PIWIL2: variants seen among roughly 807,000 people sequenced by gnomAD.
PIWIL2 encodes the protein piwi like RNA-mediated gene silencing 2.
Under a neutral mutation model 116.5 loss-of-function variants are expected in PIWIL2, and 81 were observed. The ratio of observed to expected loss-of-function variants is 0.70; its 90% CI spans 0.58 to 0.84. PIWIL2 has a LOEUF of 0.84. Ranked by LOEUF, PIWIL2 falls within the 40% of genes least tolerant of loss-of-function variation. The probability of loss-of-function intolerance (pLI) is 0.00; values close to 1 mark genes in which losing one functional copy is unlikely to be tolerated. For missense variants in PIWIL2, 1,272 were observed against 1,212.3 expected (o/e 1.05, Z -0.73); for synonymous variants, 489 against 429.5 (o/e 1.14, Z -1.71).
chr8:22,355,316 T>A, intron 22 of PIWIL2, 33 bp from the exon 23 acceptor site: 3 of 1,610,562 alleles, frequency 1.9e-6, no homozygotes, highest in East Asian at 2.2e-5. Context: ...AGGTGGGGGA[T>A]GATGAGAATT....
intron 10 of PIWIL2, among the ~76,000 whole-genome samples, chr8:22,299,473 G>T (rs1830993362): frequency 6.6e-6 from 1 of 152,066 alleles, no homozygotes; most frequent in African/African-American, 2.4e-5. Flanking sequence ...TTCCCAAAGT[G>T]CTGGGATTGC....
Position 22,290,327 on chromosome 8 carries a change from G to T in PIWIL2, c.1162G>T (p.Asp388Tyr). The change falls in exon 10 of 23, where the codon GAC becomes TAC. Residue 388 changes from aspartate (D) to tyrosine (Y), a missense_variant. By Grantham distance (160) the Asp-to-Tyr change is radical. Coordinates refer to ENST00000356766, the MANE Select transcript of PIWIL2 (RefSeq NM_018068.5). Reference protein sequence around the residue: ...ADVSHKVIRNDCVLDVMHAIY... With the variant: ...ADVSHKVIRNYCVLDVMHAIY... Reference sequence around the variant, plus strand: ...TGTCTCCCATAAGGTCATTCGGAATGACTGTGTGCTGGATGTCATGTGAGT... The same window carrying T: ...TGTCTCCCATAAGGTCATTCGGAATTACTGTGTGCTGGATGTCATGTGAGT... The T allele has an allele frequency of 6.2e-7, 1 of 1,605,624 alleles. No homozygotes were observed. The highest frequency in any genetic ancestry group is 1.1e-5 in the South Asian group (1 of 90,714).
intron 20 of PIWIL2, among the ~76,000 whole-genome samples, chr8:22,334,462 C>T (rs554920269): frequency 1.3e-5 from 2 of 149,330 alleles, no homozygotes; most frequent in Non-Finnish European, 3.0e-5. Context: ...GCGGAGGTTG[C>T]AGTGAGCCAA....
At chr8:22,300,991 C>CT (rs34602907) in intron 10 of PIWIL2, among the ~76,000 whole-genome samples, 35 of 149,808 alleles carry the variant, frequency 2.3e-4, no homozygotes, top group East Asian at 7.9e-4. Context: ...TTAAAGGTGA[C>CT]TTTTTTTTTT....
intron 20 of PIWIL2, among the ~76,000 whole-genome samples, chr8:22,344,188 G>A (rs914491230): frequency 6.6e-6 from 1 of 152,184 alleles, no homozygotes; most frequent in African/African-American, 2.4e-5. Flanking sequence ...TAAATGTGGT[G>A]ACAGTAAAAA....
intron 10 of PIWIL2, among the ~76,000 whole-genome samples, chr8:22,301,859 T>G (rs1831058154): frequency 6.6e-6 from 1 of 152,226 alleles, no homozygotes; most frequent in Admixed American, 6.5e-5. Flanking sequence ...GCACTGTTTC[T>G]TGAAAAGATT....
chr8:22,284,232 T>G lies in PIWIL2; in HGVS notation c.703T>G (p.Cys235Gly). Residue 235 changes from cysteine (C) to glycine (G), a missense_variant, in exon 6 of 23, where the codon TGT (cysteine) becomes GGT (glycine). Physicochemically the swap from Cys to Gly is radical, Grantham distance 159. Coordinates refer to ENST00000356766, the MANE Select transcript of PIWIL2 (RefSeq NM_018068.5). ...SLGLNLVKIQ[C>G]HNEAVYQYHV... ...GGGACTGAACCTCGTCAAAATACAGTGTCATAATGAAGCAGTTTATCAATA... is the reference window on the plus strand; with the variant it reads ...GGGACTGAACCTCGTCAAAATACAGGGTCATAATGAAGCAGTTTATCAATA... 6.2e-7 allele frequency: 1 copy of G among 1,604,598 alleles called. No homozygotes were observed. Among genetic ancestry groups the G allele is most frequent in the Non-Finnish European group, 8.5e-7 (1 of 1,174,402 alleles).
At chr8:22,305,789 T>C in intron 12 of PIWIL2, 138 bp from the exon 13 acceptor site, 1 of 661,824 alleles carries the variant, frequency 1.5e-6, no homozygotes, top group Non-Finnish European at 2.7e-6. Context: ...TTCACTGCTC[T>C]CTCCTCCAGG....
intron 20 of PIWIL2, among the ~76,000 whole-genome samples, chr8:22,343,966 G>T (rs1276466502): frequency 2.6e-5 from 4 of 152,126 alleles, no homozygotes; most frequent in Non-Finnish European, 5.9e-5. Flanking sequence ...ATTCATTACT[G>T]CCAGAACTTG....
At chr8:22,298,397 C>T (rs763137371) in intron 10 of PIWIL2, among the ~76,000 whole-genome samples, 10 of 152,096 alleles carry the variant, frequency 6.6e-5, no homozygotes, top group Non-Finnish European at 5.9e-5. Context: ...GTCTATTTTA[C>T]GTAAGGAAGT....
At chr8:22,279,781 A>C (rs1311903023) in intron 2 of PIWIL2, among the ~76,000 whole-genome samples, 197 bp downstream of exon 2, 1 of 152,184 alleles carries the variant, frequency 6.6e-6, no homozygotes, top group Non-Finnish European at 1.5e-5. Flanking sequence ...ACATGGTGAA[A>C]CCCTGTCTCT....
chr8:22,283,802 A>G (rs1434479321), intron 5 of PIWIL2, among the ~76,000 whole-genome samples: 4 of 152,198 alleles, frequency 2.6e-5, no homozygotes, highest in East Asian at 3.8e-4. Flanking sequence ...TTCCTTCCCA[A>G]TTGAGACAAT....
intron 20 of PIWIL2, among the ~76,000 whole-genome samples, chr8:22,339,240 G>C (rs550524746): frequency 2.6e-5 from 4 of 152,186 alleles, no homozygotes; most frequent in Non-Finnish European, 4.4e-5. Context: ...AAGTGTGGTG[G>C]CTCATGCCTG....
rs146755587 is a variant in PIWIL2 at position 22,285,599 on chromosome 8, T to C, written c.743+1327T>C. ...ACCAAGAAGTGGGATTGTTGGATCA[T>C]ATTAGTACTATTTTTAGTTTTTTTA... On this transcript the variant is annotated intron_variant, in intron 6 of 22. Coordinates refer to ENST00000356766, the MANE Select transcript of PIWIL2 (RefSeq NM_018068.5). Among the ~76,000 whole-genome samples the C allele has an allele frequency of 4.6e-5, 7 of 152,272 alleles. No homozygotes were observed. The East Asian group carries it at 1.3e-3, about 29-fold the overall frequency.
chr8:22,290,739 A>G (rs766324909), intron 10 of PIWIL2, among the ~76,000 whole-genome samples: 1 of 148,806 alleles, frequency 6.7e-6, no homozygotes, highest in African/African-American at 2.5e-5. Context: ...GGCATGAGTC[A>G]TGGCACCCAG....
chr8:22,343,505 G>GC (rs1438522798), intron 20 of PIWIL2, among the ~76,000 whole-genome samples: 7 of 152,332 alleles, frequency 4.6e-5, no homozygotes, highest in Non-Finnish European at 1.0e-4. Flanking sequence ...GGCTGAGGCA[G>GC]GAGAACTGCT....
chr8:22,290,208 C>T, intron 9 of PIWIL2, 25 bp from the exon 10 acceptor site: 3 of 1,420,788 alleles, frequency 2.1e-6, no homozygotes, highest in Non-Finnish European at 3.0e-6. Context: ...GAAAATCCTA[C>T]AGTTGAGACC....
At chr8:22,348,471 AAAATT>A (rs1312078282) in intron 20 of PIWIL2, among the ~76,000 whole-genome samples, 1 of 152,202 alleles carries the variant, frequency 6.6e-6, no homozygotes, top group Non-Finnish European at 1.5e-5. Flanking sequence ...AAGGGATACT[AAAATT>A]AATAAACACA....
intron 20 of PIWIL2, among the ~76,000 whole-genome samples, chr8:22,339,288 A>T (rs1832051609): frequency 1.3e-5 from 2 of 152,160 alleles, no homozygotes; most frequent in Admixed American, 6.6e-5. Flanking sequence ...TGGGCAGATC[A>T]CGAGATCAGG....
Sources: gnomAD v4.1 joint callset for allele counts (sites outside exome capture counted in the v4.1 genomes callset) on GRCh38, gnomAD v4.1.1 for gene constraint, MANE v1.5 for transcripts, NCBI Gene and HGNC (gene_info 2026-07-23, HGNC 2026-07-21) for gene names.